The following KCND2 variants were observed in gnomAD, a reference collection of about 807,000 sequenced individuals.
KCND2 encodes the protein A-type voltage-gated potassium channel KCND2.
KCND2 carries 16 observed loss-of-function variants against 54.4 expected under a neutral mutation model. The ratio of observed to expected loss-of-function variants is 0.29; its 90% confidence interval spans 0.20 to 0.45. KCND2 has a LOEUF of 0.45. Among genes scored for constraint, KCND2 ranks in the 20% least tolerant of loss-of-function variants. KCND2 has a pLI of 1.00. For missense variants in KCND2, 486 were observed against 824.2 expected (o/e 0.59, Z 5.02); for synonymous variants, 317 against 310.7 (o/e 1.02, Z -0.21).
At chr7:120,340,302 T>C (rs1800222555) in intron 1 of KCND2, among the ~76,000 whole-genome samples, 1 of 152,212 alleles carries the variant, frequency 6.6e-6, no homozygotes. Flanking sequence ...TGTAAAGATA[T>C]TACAATAGGA....
At chr7:120,355,642 A>G (rs892146605) in intron 1 of KCND2, among the ~76,000 whole-genome samples, 2 of 152,186 alleles carry the variant, frequency 1.3e-5, no homozygotes, top group Admixed American at 6.5e-5. Flanking sequence ...AGAGTATTTT[A>G]CTACATACTA....
intron 1 of KCND2, among the ~76,000 whole-genome samples, chr7:120,304,868 A>G (rs77263797): frequency 6.6e-6 from 1 of 152,276 alleles, no homozygotes; most frequent in African/African-American, 2.4e-5. Context: ...CGATAGGAAT[A>G]CTTGTCTCTT....
At chr7:120,398,862 T>C (rs144055142) in intron 1 of KCND2, among the ~76,000 whole-genome samples, 70 of 152,114 alleles carry the variant, frequency 4.6e-4, no homozygotes, top group African/African-American at 1.6e-3. Context: ...AAGAAAACAA[T>C]AGGGAAACTG....
At chr7:120,336,196 G>A (rs754032428) in intron 1 of KCND2, among the ~76,000 whole-genome samples, 9 of 152,164 alleles carry the variant, frequency 5.9e-5, no homozygotes, top group Non-Finnish European at 1.3e-4. Flanking sequence ...AATGTTGATA[G>A]CTAAATCAGA....
intron 1 of KCND2, among the ~76,000 whole-genome samples, chr7:120,465,155 A>T (rs1802349038): frequency 6.6e-6 from 1 of 152,180 alleles, no homozygotes; most frequent in Non-Finnish European, 1.5e-5. Context: ...AAGGACAGAG[A>T]CAATGGGGCA....
At chr7:120,392,194 T>G (rs1391374356) in intron 1 of KCND2, among the ~76,000 whole-genome samples, 1 of 152,112 alleles carries the variant, frequency 6.6e-6, no homozygotes, top group Non-Finnish European at 1.5e-5. Flanking sequence ...TTGCTTGTTT[T>G]TGTCAGGTTT....
chr7:120,518,233 ATCTAT>A (rs932163762), intron 1 of KCND2, among the ~76,000 whole-genome samples: 2 of 152,138 alleles, frequency 1.3e-5, no homozygotes, highest in African/African-American at 4.8e-5. Flanking sequence ...TCTAAGGCAA[ATCTAT>A]TCTATTATTT....
chr7:120,653,263 C>A (rs1176500100), intron 1 of KCND2, among the ~76,000 whole-genome samples: 1 of 149,578 alleles, frequency 6.7e-6, no homozygotes. Flanking sequence ...CCAGCCTGGT[C>A]TCAAACTTCT....
chr7:120,725,157 T>G (rs1470449116), intron 1 of KCND2, among the ~76,000 whole-genome samples: 1 of 152,112 alleles, frequency 6.6e-6, no homozygotes, highest in Non-Finnish European at 1.5e-5. Flanking sequence ...AAATCCCACA[T>G]TGAGGGTTTA....
At chr7:120,658,152 C>T (rs4727912) in intron 1 of KCND2, among the ~76,000 whole-genome samples, 58,744 of 151,846 alleles carry the variant, frequency 0.39, 13,405 homozygotes, top group African/African-American at 0.62. Flanking sequence ...ACGTGGGTTC[C>T]TGATATTTCA....
chr7:120,504,229 A>G (rs1027281693), intron 1 of KCND2, among the ~76,000 whole-genome samples: 1 of 152,010 alleles, frequency 6.6e-6, no homozygotes, highest in Non-Finnish European at 1.5e-5. Context: ...AAGTGGTATT[A>G]CTATGTCTCT....
intron 1 of KCND2, among the ~76,000 whole-genome samples, chr7:120,410,105 T>C (rs1187450742): frequency 6.6e-6 from 1 of 151,934 alleles, no homozygotes; most frequent in Non-Finnish European, 1.5e-5. Flanking sequence ...TGCACATGGA[T>C]ATTACATCCA....
rs1400617794 is a variant in KCND2, at chr7:120,645,273, GGCA to G, written c.1116-87629_1116-87627del. ...TCTAGTGGCTGACCACGTGTCTTGTGGCATGTTAATATAGGGTTCTGTGGCCCA... is the reference window on the plus strand; with the variant it reads ...TCTAGTGGCTGACCACGTGTCTTGTGTGTTAATATAGGGTTCTGTGGCCCA... On this transcript the variant is annotated intron_variant, in intron 1 of 5. Transcript: ENST00000331113. Among the ~76,000 whole-genome samples, 32 of 152,196 alleles carry G rather than the reference GGCA, an allele frequency of 2.1e-4. 1 individual carries two copies. Among genetic ancestry groups the G allele is most frequent in the African/African-American group, 7.7e-4 (32 of 41,526 alleles).
At chr7:120,336,954 T>C (rs1800160261) in intron 1 of KCND2, among the ~76,000 whole-genome samples, 2 of 152,344 alleles carry the variant, frequency 1.3e-5, no homozygotes, top group South Asian at 4.1e-4. Flanking sequence ...TTAAGCTCTC[T>C]ATCTCCACCT....
intron 1 of KCND2, among the ~76,000 whole-genome samples, chr7:120,554,509 T>C (rs926973182): frequency 1.5e-4 from 23 of 151,894 alleles, no homozygotes; most frequent in Non-Finnish European, 2.1e-4. Flanking sequence ...CCCGGGTTCA[T>C]GCCATTCTCC....
At chr7:120,427,543 C>T (rs1017198193) in intron 1 of KCND2, among the ~76,000 whole-genome samples, 1 of 152,030 alleles carries the variant, frequency 6.6e-6, no homozygotes, top group African/African-American at 2.4e-5. Flanking sequence ...ATTAACAGTG[C>T]CAAAGCTCTG....
intron 1 of KCND2, among the ~76,000 whole-genome samples, chr7:120,649,328 T>A (rs1791695318): frequency 1.3e-5 from 2 of 152,194 alleles, no homozygotes; most frequent in African/African-American, 4.8e-5. Context: ...GAGTTAAAAT[T>A]GAAATTCATT....
At chr7:120,348,527 C>G (rs918807573) in intron 1 of KCND2, among the ~76,000 whole-genome samples, 1 of 152,188 alleles carries the variant, frequency 6.6e-6, no homozygotes, top group Non-Finnish European at 1.5e-5. Flanking sequence ...AAGACAGGAA[C>G]ACTAACTACC....
At chr7:120,284,691 A>C (rs1283980429) in intron 1 of KCND2, among the ~76,000 whole-genome samples, 1 of 152,110 alleles carries the variant, frequency 6.6e-6, no homozygotes, top group East Asian at 1.9e-4. Context: ...ACTAAGTTAG[A>C]GTGTAGTCAT....
Sources: allele counts gnomAD v4.1 joint callset (sites outside exome capture counted in the v4.1 genomes callset), GRCh38; gene constraint gnomAD v4.1.1; transcripts MANE v1.5; gene names NCBI Gene and HGNC (gene_info 2026-07-23, HGNC 2026-07-21).